Variants in NECAP1 observed in about 807,000 individuals in gnomAD.
NECAP1 encodes adaptin ear-binding coat-associated protein 1.
Under a neutral mutation model 33.4 loss-of-function variants are expected in NECAP1, and 13 were observed. The ratio of observed to expected loss-of-function variants is 0.39; its 90% confidence interval spans 0.25 to 0.62. The LOEUF (loss-of-function observed/expected upper bound fraction) is 0.62. Among genes scored for constraint, NECAP1 ranks in the 20% least tolerant of loss-of-function variants. NECAP1 has a pLI of 0.52. For synonymous variants in NECAP1, 109 were observed against 125.2 expected (o/e 0.87, Z 0.86); for missense variants, 272 against 347.4 (o/e 0.78, Z 1.73).
At chr12:8,092,536 C>G in intron 4 of NECAP1, 140 bp from the exon 5 acceptor site, 121 of 581,950 alleles carry the variant, frequency 2.1e-4, no homozygotes, top group East Asian at 3.2e-4. Context: ...TGGCTTTTTT[C>G]CCTTCTGTTT....
chr12:8,088,198 G>T (rs907290596), intron 1 of NECAP1, among the ~76,000 whole-genome samples: 3 of 152,140 alleles, frequency 2.0e-5, no homozygotes. Flanking sequence ...CAGCCCAGAT[G>T]TCTTTCTTGA....
chr12:8,095,758 C>G (rs1947588405), intron 7 of NECAP1, 55 bp downstream of exon 7: 8 of 1,497,026 alleles, frequency 5.3e-6, no homozygotes, highest in Non-Finnish European at 7.4e-6. Flanking sequence ...GAGATATGTA[C>G]AGTCAATTGA....
chr12:8,091,590 C>T, intron 3 of NECAP1, 179 bp from the exon 4 acceptor site: 2 of 603,892 alleles, frequency 3.3e-6, no homozygotes, highest in Non-Finnish European at 6.0e-6. Flanking sequence ...AGGCGGAGCT[C>T]AGGTGGTCAT....
intron 1 of NECAP1, 57 bp from the exon 2 acceptor site, chr12:8,089,879 G>C: frequency 3.2e-6 from 4 of 1,235,250 alleles, no homozygotes; most frequent in Non-Finnish European, 4.8e-6. Flanking sequence ...AAAGATTGTG[G>C]GTGGGCGTTA....
intron 1 of NECAP1, chr12:8,082,646 C>G: frequency 2.3e-6 from 1 of 441,600 alleles, no homozygotes. Flanking sequence ...TCCCGTAATC[C>G]CCTGGGGCAC....
Position 8,090,221 on chromosome 12 carries a change from G to A in NECAP1, c.223G>A (p.Glu75Lys), listed in dbSNP as rs1209183037. 1.2e-6 allele frequency: 2 copies of A among 1,614,188 alleles called. No individual in the cohort carries two copies. Among genetic ancestry groups the A allele is most frequent in the Non-Finnish European group, 1.7e-6 (2 of 1,180,032 alleles). The change falls in exon 3 of 8, where the codon GAA becomes AAA. Residue 75 changes from glutamate (E) to lysine (K), a missense_variant. By Grantham distance (56) the Glu-to-Lys change is moderately conservative. Coordinates refer to ENST00000339754, the MANE Select transcript of NECAP1 (RefSeq NM_015509.4). Reference protein sequence around the residue: ...SGELFAQAPVEQYPGIAVETV... With the variant: ...SGELFAQAPVKQYPGIAVETV... ...GGAGCTCTTTGCTCAGGCACCAGTA[G>A]AACAATATCCTGGTATTGCTGTGGA...
At position 8,096,099 on chromosome 12, in the gene NECAP1, G is replaced by C. The variant is rs1237802177; in HGVS notation, c.*9G>C. 6.2e-7 allele frequency: 1 copy of C among 1,613,808 alleles called. No homozygotes were observed. Among genetic ancestry groups the C allele is most frequent in the African/African-American group, 1.3e-5 (1 of 75,036 alleles). On this transcript the variant is annotated 3_prime_UTR_variant, in exon 8 of 8. Transcript: ENST00000339754. ...ACTGGGTCCAGTTCTGAATGGCATT[G>C]GCAGGACATTAAGGACAGACTTGAG... is the stretch of plus-strand genomic sequence containing the variant.
rs752271067 is a variant in NECAP1 at position 8,096,374 on chromosome 12, G to A, written c.*284G>A. 1.8e-5 allele frequency: 6 copies of A among 340,606 alleles called. No homozygotes were observed. Among genetic ancestry groups the A allele is most frequent in the Middle Eastern group, 8.1e-4 (1 of 1,242 alleles). The allele number at this position is 340,606 out of a possible 1,614,324, so 21.1% of individuals were successfully genotyped here. ...ACTATGCAGGGCTTAAAAGGCCAGCGTCTGTTTGAGGGGGAATGACCTCTA... is the reference window on the plus strand; with the variant it reads ...ACTATGCAGGGCTTAAAAGGCCAGCATCTGTTTGAGGGGGAATGACCTCTA... On this transcript the variant is annotated 3_prime_UTR_variant, in exon 8 of 8. Transcript: ENST00000339754.
At chr12:8,087,242 AATC>A (rs1247712943) in intron 1 of NECAP1, among the ~76,000 whole-genome samples, 1 of 148,364 alleles carries the variant, frequency 6.7e-6, no homozygotes, top group Admixed American at 6.9e-5. Flanking sequence ...TCTTACTGTG[AATC>A]ATCATAGTGG....
At chr12:8,084,958 T>G (rs11057149) in intron 1 of NECAP1, among the ~76,000 whole-genome samples, 6 of 152,156 alleles carry the variant, frequency 3.9e-5, no homozygotes, top group African/African-American at 1.4e-4. Context: ...TACTTCCAAC[T>G]TTAGGAGTTA....
chr12:8,094,195 C>T (rs1458617432), intron 6 of NECAP1, among the ~76,000 whole-genome samples: 1 of 152,036 alleles, frequency 6.6e-6, no homozygotes, highest in African/African-American at 2.4e-5. Flanking sequence ...TGCCAGAAGC[C>T]ACTGGGGATA....
At chr12:8,094,163 G>A (rs927990176) in intron 6 of NECAP1, among the ~76,000 whole-genome samples, 1 of 152,136 alleles carries the variant, frequency 6.6e-6, no homozygotes, top group African/African-American at 2.4e-5. Flanking sequence ...AAATATTATA[G>A]CCTGCTTCTT....
chr12:8,083,228 A>G (rs1239014066), intron 1 of NECAP1, among the ~76,000 whole-genome samples: 2 of 152,086 alleles, frequency 1.3e-5, no homozygotes, highest in African/African-American at 2.4e-5. Context: ...ATGTTAAACC[A>G]TATGAGTGTG....
intron 1 of NECAP1, among the ~76,000 whole-genome samples, chr12:8,085,285 TG>T (rs1454927322): frequency 3.3e-5 from 5 of 152,154 alleles, no homozygotes; most frequent in African/African-American, 1.2e-4. Flanking sequence ...CCCAAAGTGC[TG>T]GGATTACAGG....
intron 6 of NECAP1, 134 bp downstream of exon 6, chr12:8,093,189 A>C: frequency 1.2e-6 from 1 of 868,344 alleles, no homozygotes; most frequent in Non-Finnish European, 1.7e-6. Flanking sequence ...GTCAGCTTCT[A>C]GCAAGGAATC....
At position 8,090,188 on chromosome 12, in the gene NECAP1, C is replaced by A; in HGVS notation, c.197-7C>A. ...TTACTCAAAAAAGTCTTTCTCTTATCTGTCAGGGGAGCTCTTTGCTCAGGC... is the reference window on the plus strand; with the variant it reads ...TTACTCAAAAAAGTCTTTCTCTTATATGTCAGGGGAGCTCTTTGCTCAGGC... On this transcript the variant is annotated splice_polypyrimidine_tract_variant and splice_region_variant and intron_variant, in intron 2 of 7. Coordinates refer to ENST00000339754, the MANE Select transcript of NECAP1 (RefSeq NM_015509.4). 1 of 1,613,774 alleles carries A rather than the reference C, an allele frequency of 6.2e-7. No homozygotes were observed. The highest frequency in any genetic ancestry group is 8.5e-7 in the Non-Finnish European group (1 of 1,179,686).
At chr12:8,084,691 A>G (rs930759219) in intron 1 of NECAP1, among the ~76,000 whole-genome samples, 2 of 152,084 alleles carry the variant, frequency 1.3e-5, no homozygotes, top group Non-Finnish European at 2.9e-5. Context: ...TCTCTATTCC[A>G]GGGCTCTTCA....
chr12:8,092,831 C>G, intron 5 of NECAP1, 41 bp from the exon 6 acceptor site: 1 of 1,586,170 alleles, frequency 6.3e-7, no homozygotes, highest in Non-Finnish European at 8.6e-7. Context: ...TTCCATAAGC[C>G]TATGACATCT....
At chr12:8,095,424 A>G (rs1947585781) in intron 6 of NECAP1, 177 bp from the exon 7 acceptor site, 1 of 385,024 alleles carries the variant, frequency 2.6e-6, no homozygotes, top group Non-Finnish European at 4.9e-6. Flanking sequence ...AATTTTTTGT[A>G]TTTTTAGTAG....
Sources: allele counts gnomAD v4.1 joint callset (sites outside exome capture counted in the v4.1 genomes callset), GRCh38; gene constraint gnomAD v4.1.1; transcripts MANE v1.5; gene names NCBI Gene and HGNC (gene_info 2026-07-23, HGNC 2026-07-21).